The following YARS2 variants were observed in gnomAD, a reference collection of about 807,000 sequenced individuals.
YARS2 encodes tyrosine--tRNA ligase, mitochondrial.
Under a neutral mutation model 45.0 loss-of-function variants are expected in YARS2, and 38 were observed. That is an observed-to-expected ratio of 0.84 (90% confidence interval 0.65 to 1.11). The LOEUF is 1.11. YARS2 is among the 50% of genes least tolerant of loss of function. YARS2 has a pLI of 0.00. For synonymous variants in YARS2, 287 were observed against 245.1 expected, an observed-to-expected ratio of 1.17 and a Z score of -1.60; for missense variants, 602 against 599.8, an observed-to-expected ratio of 1.00 and a Z score of -0.04.
At chr12:32,753,478 G>A (rs537054810) in intron 2 of YARS2, among the ~76,000 whole-genome samples, 22 of 152,132 alleles carry the variant, frequency 1.4e-4, no homozygotes, top group African/African-American at 5.1e-4. Flanking sequence ...TTTGTTGCAG[G>A]TATATTTGTT....
At chr12:32,752,563 T>C (rs1475360110) in intron 2 of YARS2, among the ~76,000 whole-genome samples, 1 of 151,954 alleles carries the variant, frequency 6.6e-6, no homozygotes, top group Non-Finnish European at 1.5e-5. Flanking sequence ...GAGACCAGCC[T>C]GGCCAACATG....
intron 4 of YARS2, among the ~76,000 whole-genome samples, chr12:32,748,002 C>T (rs942411442): frequency 6.6e-6 from 1 of 152,072 alleles, no homozygotes; most frequent in African/African-American, 2.4e-5. Flanking sequence ...ACAATCAGGG[C>T]AGGAAACATG....
intron 1 of YARS2, 58 bp from the exon 2 acceptor site, chr12:32,754,143 C>G: frequency 6.3e-7 from 1 of 1,599,948 alleles, no homozygotes; most frequent in Non-Finnish European, 8.6e-7. Context: ...GTAGGTTCTA[C>G]TGTTCACCTT....
In YARS2 at chr12:32,749,762, A is replaced by G. The variant is rs529239237; in HGVS notation, c.1274+175T>C. Among the ~76,000 whole-genome samples the G allele has an allele frequency of 3.3e-5, 5 of 152,162 alleles. No homozygotes were observed. The South Asian group carries it at 8.3e-4, about 25-fold the overall frequency. Reference sequence around the variant, plus strand: ...TGCCCGGCTAATTTGTATTTTTAGTAGAGACAGGGTTTCACCGTGTTAGCC... The same window carrying G: ...TGCCCGGCTAATTTGTATTTTTAGTGGAGACAGGGTTTCACCGTGTTAGCC... On this transcript the variant is annotated intron_variant, in intron 4 of 4. Transcript: ENST00000324868.
At chr12:32,754,871 C>T (rs1405656925) in intron 1 of YARS2, among the ~76,000 whole-genome samples, 1 of 152,040 alleles carries the variant, frequency 6.6e-6, no homozygotes, top group African/African-American at 2.4e-5. Context: ...TGCATCACCA[C>T]GCCCAGCTAA....
chr12:32,749,971 G>A lies in YARS2; in HGVS notation c.1240C>T (p.Arg414Cys), dbSNP rs1251188344. The change falls in exon 4 of 5, where the codon CGC (arginine) becomes TGC (cysteine). Residue 414 changes from arginine to cysteine, a missense_variant. Transcript: ENST00000324868. ...DPGTSVLDTC[R>C]KANAIPDGPR... ...CCATCTGGAATGGCATTTGCTTTGCGGCAAGTATCTAGGACACTTGTTCCA... is the reference window on the plus strand; with the variant it reads ...CCATCTGGAATGGCATTTGCTTTGCAGCAAGTATCTAGGACACTTGTTCCA... The A allele has an allele frequency of 8.1e-6, 13 of 1,613,912 alleles. No individual in the cohort carries two copies. Among genetic ancestry groups the A allele is most frequent in the Admixed American group, 1.7e-5 (1 of 59,988 alleles).
At chr12:32,751,641 G>A (rs1955747180) in intron 2 of YARS2, among the ~76,000 whole-genome samples, 1 of 152,204 alleles carries the variant, frequency 6.6e-6, no homozygotes, top group Admixed American at 6.5e-5. Context: ...GGCACCACGA[G>A]GCGGCGGGGA....
chr12:32,755,692 GA>G lies in YARS2; in HGVS notation c.182del (p.Leu61ProfsTer48). 6.2e-7 allele frequency: 1 copy of G among 1,614,240 alleles called. No individual in the cohort carries two copies. Among genetic ancestry groups the G allele is most frequent in the East Asian group, 2.2e-5 (1 of 44,874 alleles). On this transcript the variant is annotated frameshift_variant, in exon 1 of 5. Coordinates refer to ENST00000324868, the MANE Select transcript of YARS2 (RefSeq NM_001040436.3). LOFTEE classifies it high-confidence loss of function. ...CCGTGCCACGGTCGAAGAGCTCTGGGAGCTCTATTTTCGTCCCCGTCTCCGG... is the reference window on the plus strand; with the variant it reads ...CCGTGCCACGGTCGAAGAGCTCTGGGGCTCTATTTTCGTCCCCGTCTCCGG... ...FFPETGTKIE[L>X]PELFDRGTAS...
chr12:32,755,452 C>G lies in YARS2; in HGVS notation c.423G>C (p.Ala141=). The change falls in exon 1 of 5, where the codon GCG becomes GCC. Residue 141 remains alanine, a synonymous_variant. Coordinates refer to ENST00000324868, the MANE Select transcript of YARS2 (RefSeq NM_001040436.3). The part of the protein sequence containing the change: ...ALETERVRAN[A]RALRLGLEAL... The stretch of plus-strand genomic sequence containing the variant: ...CCTCAAGCCCTAGGCGCAGAGCTCG[C>G]GCGTTGGCTCGCACGCGCTCTGTCT... 6.2e-7 allele frequency: 1 copy of G among 1,612,732 alleles called. No homozygotes were observed. Among genetic ancestry groups the G allele is most frequent in the Non-Finnish European group, 8.5e-7 (1 of 1,179,644 alleles).
rs776803784 is a variant in YARS2, at chr12:32,749,963, T to C, written c.1248A>G (p.Ala416=). The change falls in exon 4 of 5, where the codon GCA becomes GCG. Residue 416 remains alanine (A), a synonymous_variant. Transcript: ENST00000324868. ...CTCGGGGACCATCTGGAATGGCATT[T>C]GCTTTGCGGCAAGTATCTAGGACAC... ...GTSVLDTCRK[A]NAIPDGPRGY... is the part of the protein sequence containing the mutation. The C allele has an allele frequency of 6.2e-7, 1 of 1,614,162 alleles. No individual in the cohort carries two copies. The highest frequency in any genetic ancestry group is 2.2e-5 in the East Asian group (1 of 44,874).
intron 2 of YARS2, among the ~76,000 whole-genome samples, chr12:32,751,638 C>G (rs1023770654): frequency 5.9e-5 from 9 of 152,140 alleles, no homozygotes; most frequent in African/African-American, 2.2e-4. Flanking sequence ...TTTGGCACCA[C>G]GAGGCGGCGG....
At position 32,749,588 on chromosome 12, in the gene YARS2, AT is replaced by A. The variant is rs1214353799; in HGVS notation, c.1274+348del. Among the ~76,000 whole-genome samples, 3 of 152,170 alleles carry A rather than the reference AT, an allele frequency of 2.0e-5. No individual in the cohort carries two copies. In the East Asian group the frequency reaches 5.8e-4, roughly 29 times the overall value. ...CACATGCTGTGAACTGTAACATTTT[AT>A]TTATTTTTTGAGACAGAGTCTTGCT... is the stretch of plus-strand genomic sequence containing the variant. On this transcript the variant is annotated intron_variant, in intron 4 of 4. Transcript: ENST00000324868.
chr12:32,752,739 TCA>T, intron 2 of YARS2: 1 of 112,986 alleles, frequency 8.9e-6, no homozygotes, highest in African/African-American at 1.2e-4. Flanking sequence ...AGACACTGCC[TCA>T]AAAAAAAAAA....
chr12:32,755,158 C>T lies in YARS2; in HGVS notation c.717G>A (p.Arg239=). The T allele has an allele frequency of 6.2e-7, 1 of 1,614,154 alleles. No individual in the cohort carries two copies. Among genetic ancestry groups the T allele is most frequent in the African/African-American group, 1.3e-5 (1 of 75,026 alleles). Residue 239 remains arginine, a synonymous_variant, in exon 1 of 5, where the codon AGG becomes AGA. Transcript: ENST00000324868. The part of the protein sequence containing the change: ...FYYLFQRYGC[R]VQLGGSDQLG... ...GTTGATCAGATCCGCCCAGCTGGAC[C>T]CTGCATCCATAACGCTGGAAGAGGT...
At position 32,747,278 on chromosome 12, in the gene YARS2, T is replaced by TC; in HGVS notation, c.1359_1360insG (p.Ile454AspfsTer10). ...AGTAAGGAAAGTCCATTCTTGAGAA[T>TC]ATGTTGTCCAACAATTAAAACACTC... On this transcript the variant is annotated frameshift_variant, in exon 5 of 5. Transcript: ENST00000324868. LOFTEE classifies it high-confidence loss of function. The TC allele has an allele frequency of 3.1e-6, 5 of 1,613,968 alleles. No homozygotes were observed. Among genetic ancestry groups the TC allele is most frequent in the Non-Finnish European group, 4.2e-6 (5 of 1,179,842 alleles).
intron 3 of YARS2, 150 bp from the exon 4 acceptor site, chr12:32,750,257 A>C (rs2137651131): frequency 1.1e-6 from 1 of 925,850 alleles, no homozygotes; most frequent in East Asian, 2.7e-5. Flanking sequence ...GCTGGATTGC[A>C]ATGGCATGAT....
chr12:32,754,711 C>CTTT (rs755897245), intron 1 of YARS2, among the ~76,000 whole-genome samples: 5,539 of 126,622 alleles, frequency 0.044, 196 homozygotes, highest in Middle Eastern at 0.085. Context: ...GTCTGTTTCC[C>CTTT]TTTTTTTTTT....
intron 2 of YARS2, among the ~76,000 whole-genome samples, chr12:32,752,316 C>G (rs1955760929): frequency 6.6e-6 from 1 of 152,036 alleles, no homozygotes; most frequent in Admixed American, 6.6e-5. Flanking sequence ...TCAAGAAATA[C>G]AGTATTGGGC....
chr12:32,749,666 T>C (rs565345279), intron 4 of YARS2, among the ~76,000 whole-genome samples: 5 of 152,214 alleles, frequency 3.3e-5, no homozygotes, highest in East Asian at 1.9e-4. Flanking sequence ...CTGCAAGCTC[T>C]GCCTCCCGGG....
Sources: allele counts gnomAD v4.1 joint callset (sites outside exome capture counted in the v4.1 genomes callset), GRCh38; gene constraint gnomAD v4.1.1; transcripts MANE v1.5; gene names NCBI Gene and HGNC (gene_info 2026-07-23, HGNC 2026-07-21).